The following TSPAN16 variants were observed in gnomAD, a reference collection of about 807,000 sequenced individuals.
The protein encoded by TSPAN16 is tetraspanin 16, also known as tetraspanin-16.
TSPAN16 carries 23 observed loss-of-function variants against 25.2 expected under a neutral mutation model. The ratio of observed to expected loss-of-function variants is 0.91; its 90% CI spans 0.66 to 1.29. The LOEUF (loss-of-function observed/expected upper bound fraction) is 1.29. TSPAN16 is among the 50% of genes most tolerant of loss of function. The probability of loss-of-function intolerance (pLI) is 0.00; values close to 1 mark genes in which losing one functional copy is unlikely to be tolerated. For missense variants in TSPAN16, 272 were observed against 299.9 expected, an observed-to-expected ratio of 0.91 and a Z score of 0.69; for synonymous variants, 123 against 124.4, an observed-to-expected ratio of 0.99 and a Z score of 0.08.
intron 6 of TSPAN16, among the ~76,000 whole-genome samples, chr19:11,314,963 C>A (rs929418556): frequency 6.6e-6 from 1 of 152,020 alleles, no homozygotes; most frequent in Non-Finnish European, 1.5e-5. Context: ...GGGCCAGGCG[C>A]GGTAGTTCAC....
chr19:11,322,535 G>A (rs973582790), intron 6 of TSPAN16: 1 of 152,134 alleles, frequency 6.6e-6, no homozygotes, highest in African/African-American at 2.4e-5. Flanking sequence ...TTGGTTTAAT[G>A]TGTCTGTAAA....
At chr19:11,304,890 A>T (rs1223267113) in intron 4 of TSPAN16, among the ~76,000 whole-genome samples, 1 of 151,998 alleles carries the variant, frequency 6.6e-6, no homozygotes, top group Non-Finnish European at 1.5e-5. Flanking sequence ...GGCTCAAGTG[A>T]TCTGCCTGCT....
intron 5 of TSPAN16, among the ~76,000 whole-genome samples, chr19:11,311,499 T>C (rs1402815536): frequency 6.6e-6 from 1 of 152,110 alleles, no homozygotes; most frequent in African/African-American, 2.4e-5. Flanking sequence ...GGCATGATCA[T>C]GGCTCACTGA....
intron 4 of TSPAN16, among the ~76,000 whole-genome samples, chr19:11,303,466 C>T (rs1252904407): frequency 7.1e-6 from 1 of 140,714 alleles, no homozygotes; most frequent in Non-Finnish European, 1.5e-5. Flanking sequence ...GACCTTTGTT[C>T]ACTTGTTTAT....
intron 6 of TSPAN16, among the ~76,000 whole-genome samples, chr19:11,321,895 CAG>C (rs933079555): frequency 6.6e-5 from 10 of 152,218 alleles, no homozygotes; most frequent in East Asian, 5.8e-4. Context: ...TTCCATATAA[CAG>C]AGCTTTCCAA....
At chr19:11,316,109 GTGTGTGTGGTT>G, downstream of TSPAN16, 1 of 324,834 alleles carries the variant, frequency 3.1e-6, no homozygotes, top group African/African-American at 2.9e-5. Context: ...GTGTGTGTGT[GTGTGTGTGGTT>G]TTTTTTTTTT....
intron 4 of TSPAN16, among the ~76,000 whole-genome samples, chr19:11,301,657 C>T (rs1158765527): frequency 6.7e-6 from 1 of 149,832 alleles, no homozygotes; most frequent in East Asian, 2.0e-4. Context: ...AAAAAAAAGC[C>T]AGTCACAGTG....
At chr19:11,307,729 G>C (rs1285490693) in intron 5 of TSPAN16, 2 of 152,156 alleles carry the variant, frequency 1.3e-5, no homozygotes, top group Non-Finnish European at 2.9e-5. Context: ...CACCCAGCCT[G>C]GTAACTTTAA....
At chr19:11,321,424 A>G (rs1236430126) in intron 6 of TSPAN16, 1 of 152,184 alleles carries the variant, frequency 6.6e-6, no homozygotes, top group Non-Finnish European at 1.5e-5. Flanking sequence ...CCAGGATTCA[A>G]TGACCTCCAC....
chr19:11,316,646 T>C (rs559710584), downstream of TSPAN16, among the ~76,000 whole-genome samples: 2 of 152,182 alleles, frequency 1.3e-5, no homozygotes, highest in East Asian at 1.9e-4. Context: ...ATGCATACAA[T>C]GTGGAATGAT....
rs1390495137 is a variant in TSPAN16, at chr19:11,298,156, C to T, written c.84C>T (p.Ile28=). ...LNGFVAVSGI[I]LVGLGIGGKC... is the part of the protein sequence containing the mutation. ...CTGTTCTAAAGGTGTCTGGCATCAT[C>T]CTAGTTGGCCTGGGCATTGGTGGTA... is the stretch of plus-strand genomic sequence containing the variant. The change falls in exon 2 of 7, where the codon ATC becomes ATT. Residue 28 remains isoleucine (I), a synonymous_variant. Coordinates refer to ENST00000590327, the MANE Select transcript of TSPAN16 (RefSeq NM_001282509.2). 6.2e-7 allele frequency: 1 copy of T among 1,614,144 alleles called. No homozygotes were observed. Among genetic ancestry groups the T allele is most frequent in the Non-Finnish European group, 8.5e-7 (1 of 1,180,026 alleles).
At position 11,301,274 on chromosome 19, in the gene TSPAN16, A is replaced by C. The variant is rs371552516; in HGVS notation, c.416A>C (p.Asp139Ala). The part of the protein sequence containing the change: ...KNYRGYNEPD[D>A]YSTQWNLVME... ...TACAGAGGTTACAACGAGCCAGACG[A>C]CTATTCTACACAGTGGAACTTGGTC... is the stretch of plus-strand genomic sequence containing the variant. Residue 139 changes from aspartate to alanine, a missense_variant, in exon 4 of 7, where the codon GAC (aspartate) becomes GCC (alanine). Coordinates refer to ENST00000590327, the MANE Select transcript of TSPAN16 (RefSeq NM_001282509.2). The C allele has an allele frequency of 2.5e-6, 4 of 1,613,762 alleles. No homozygotes were observed. Among genetic ancestry groups the C allele is most frequent in the Non-Finnish European group, 3.4e-6 (4 of 1,179,954 alleles).
chr19:11,325,559 T>C (rs1436099909), intron 6 of TSPAN16: 1 of 1,612,512 alleles, frequency 6.2e-7, no homozygotes, highest in Non-Finnish European at 8.5e-7. Flanking sequence ...ATGTTCTCCT[T>C]GGCACTGGCT....
chr19:11,319,146 CAAGTATT>C (rs1256963195), downstream of TSPAN16, among the ~76,000 whole-genome samples: 11 of 152,160 alleles, frequency 7.2e-5, no homozygotes, highest in Admixed American at 7.2e-4. Flanking sequence ...TCAGAGGTAT[CAAGTATT>C]GAGTTCCCAG....
At chr19:11,321,854 A>C (rs1488220010) in intron 6 of TSPAN16, among the ~76,000 whole-genome samples, 1 of 152,068 alleles carries the variant, frequency 6.6e-6, no homozygotes, top group Non-Finnish European at 1.5e-5. Context: ...TTTTACTAGA[A>C]GTAGTTGAGG....
At chr19:11,311,387 G>A (rs2080690848) in intron 5 of TSPAN16, among the ~76,000 whole-genome samples, 1 of 143,612 alleles carries the variant, frequency 7.0e-6, no homozygotes, top group Non-Finnish European at 1.5e-5. Flanking sequence ...ACCTGCCTCC[G>A]CCTCCCAAAG....
chr19:11,298,520 T>C (rs452145), intron 2 of TSPAN16, among the ~76,000 whole-genome samples, 181 bp downstream of exon 2: 62,521 of 151,398 alleles, frequency 0.41, 14,876 homozygotes, highest in African/African-American at 0.67. Context: ...CTGCAACCTC[T>C]GCCTCCCAGG....
downstream of TSPAN16, among the ~76,000 whole-genome samples, chr19:11,316,811 CT>C (rs71164185): frequency 2.6e-3 from 331 of 129,576 alleles, no homozygotes; most frequent in African/African-American, 4.9e-3. Flanking sequence ...CCCCCCCCGC[CT>C]TTTTTTTTTT....
intron 6 of TSPAN16, chr19:11,325,594 A>G: frequency 6.3e-7 from 1 of 1,586,738 alleles, no homozygotes; most frequent in Non-Finnish European, 8.5e-7. Context: ...ACCTGGATGA[A>G]TGTTAAGGTG....
Sources: gnomAD v4.1 joint callset for allele counts (sites outside exome capture counted in the v4.1 genomes callset) on GRCh38, gnomAD v4.1.1 for gene constraint, MANE v1.5 for transcripts, NCBI Gene and HGNC (gene_info 2026-07-23, HGNC 2026-07-21) for gene names.